The following UBE2D3 variants were observed in gnomAD, a reference collection of about 807,000 sequenced individuals.
The protein encoded by UBE2D3 is ubiquitin conjugating enzyme E2 D3, also known as ubiquitin-conjugating enzyme E2 D3.
In UBE2D3, 2 loss-of-function variants were observed where a neutral mutation model predicts 22.8. The observed-to-expected ratio is 0.09, with a 90% confidence interval of 0.04 to 0.28. UBE2D3 has a LOEUF of 0.28. Ranked by LOEUF, UBE2D3 falls within the 10% of genes least tolerant of loss-of-function variation. The probability of loss-of-function intolerance (pLI) is 1.00; values close to 1 mark genes in which losing one functional copy is unlikely to be tolerated. For missense variants in UBE2D3, 27 were observed against 182.5 expected, an observed-to-expected ratio of 0.15 and a Z score of 4.91; for synonymous variants, 56 against 60.4, an observed-to-expected ratio of 0.93 and a Z score of 0.34.
intron 1 of UBE2D3, chr4:102,836,992 A>G (rs916724716): frequency 1.3e-5 from 2 of 152,258 alleles, no homozygotes; most frequent in Non-Finnish European, 2.9e-5. Context: ...ACTTTGCGAG[A>G]TAGCAAAATT....
At chr4:102,839,244 G>T (rs1214777473) in intron 1 of UBE2D3, among the ~76,000 whole-genome samples, 1 of 151,840 alleles carries the variant, frequency 6.6e-6, no homozygotes, top group African/African-American at 2.4e-5. Context: ...GTAAAAGAAA[G>T]AAATATATCA....
chr4:102,824,297 A>C (rs776658611), intron 2 of UBE2D3, among the ~76,000 whole-genome samples: 3 of 152,228 alleles, frequency 2.0e-5, no homozygotes, highest in Non-Finnish European at 4.4e-5. Context: ...TTAAACAAAA[A>C]CGATTTTTAA....
chr4:102,858,983 T>C (rs1732755968), intron 1 of UBE2D3, among the ~76,000 whole-genome samples: 1 of 152,012 alleles, frequency 6.6e-6, no homozygotes, highest in Non-Finnish European at 1.5e-5. Flanking sequence ...TATACTTCCC[T>C]TTACCAGGGA....
intron 1 of UBE2D3, among the ~76,000 whole-genome samples, chr4:102,861,609 A>G (rs911105158): frequency 1.3e-5 from 2 of 151,986 alleles, no homozygotes; most frequent in Admixed American, 1.3e-4. Flanking sequence ...TTCTGAGGTA[A>G]TAAGAATCTG....
intron 1 of UBE2D3, among the ~76,000 whole-genome samples, chr4:102,837,442 A>G (rs549735296): frequency 1.3e-5 from 2 of 152,332 alleles, no homozygotes; most frequent in Admixed American, 6.5e-5. Context: ...GTGGCAGCCC[A>G]TATTGTGCAA....
chr4:102,847,705 A>G (rs1223016816), intron 1 of UBE2D3, among the ~76,000 whole-genome samples: 1 of 151,924 alleles, frequency 6.6e-6, no homozygotes, highest in African/African-American at 2.4e-5. Flanking sequence ...GTGCAGTGGC[A>G]TGATCATAGC....
At chr4:102,855,391 A>G (rs1416925546) in intron 1 of UBE2D3, among the ~76,000 whole-genome samples, 1 of 152,242 alleles carries the variant, frequency 6.6e-6, no homozygotes, top group East Asian at 1.9e-4. Flanking sequence ...GTAGAATAAT[A>G]GGATATACCA....
At chr4:102,804,261 C>A (rs1270475119) in intron 4 of UBE2D3, among the ~76,000 whole-genome samples, 2 of 152,126 alleles carry the variant, frequency 1.3e-5, no homozygotes, top group Non-Finnish European at 2.9e-5. Context: ...TCCCCAGGTT[C>A]AAGAGATTCT....
At chr4:102,831,057 G>C (rs912069724), upstream of UBE2D3, among the ~76,000 whole-genome samples, 1 of 152,266 alleles carries the variant, frequency 6.6e-6, no homozygotes. Context: ...TTGTATCTAT[G>C]TTTTCATGTA....
At chr4:102,837,609 G>T (rs1489667353) in intron 1 of UBE2D3, among the ~76,000 whole-genome samples, 1 of 150,570 alleles carries the variant, frequency 6.6e-6, no homozygotes, top group African/African-American at 2.4e-5. Flanking sequence ...GATCGCTTGG[G>T]CCCAGGAGTT....
chr4:102,868,768 C>T (rs1733310655), exon 1 of UBE2D3: 1 of 1,613,984 alleles, frequency 6.2e-7, no homozygotes. Context: ...TCTCATCGCA[C>T]ACAGTATCCT....
upstream of UBE2D3, chr4:102,828,223 C>T: frequency 2.0e-6 from 2 of 985,316 alleles, no homozygotes; most frequent in Non-Finnish European, 2.4e-6. Context: ...TCTCACGCGC[C>T]CAATCAGGAG....
At chr4:102,800,959 T>C (rs1273412485) in intron 6 of UBE2D3, among the ~76,000 whole-genome samples, 1 of 152,054 alleles carries the variant, frequency 6.6e-6, no homozygotes, top group African/African-American at 2.4e-5. Flanking sequence ...GAAGATTATA[T>C]AATTTTAGAC....
intron 2 of UBE2D3, 133 bp downstream of exon 2, chr4:102,826,352 C>G: frequency 8.7e-7 from 1 of 1,146,084 alleles, no homozygotes. Flanking sequence ...TATCTGCGTT[C>G]TCCATCCCCC....
At chr4:102,825,611 C>A in intron 2 of UBE2D3, 2 of 1,237,692 alleles carry the variant, frequency 1.6e-6, no homozygotes, top group Non-Finnish European at 2.1e-6. Context: ...ACTCCCAGAG[C>A]TCCGAAAAAT....
At chr4:102,807,715 A>AT (rs1560851225) in intron 4 of UBE2D3, among the ~76,000 whole-genome samples, 1 of 152,264 alleles carries the variant, frequency 6.6e-6, no homozygotes. Flanking sequence ...TTTTCTCAAA[A>AT]TAACAGCAAA....
rs920782022 is a variant in UBE2D3 at position 102,795,039 on chromosome 4, C to G, written c.*2376G>C. 2.6e-5 allele frequency: 4 copies of G among 152,024 alleles called. No homozygotes were observed. Among genetic ancestry groups the G allele is most frequent in the Non-Finnish European group, 5.9e-5 (4 of 67,940 alleles). The allele number at this position is 152,024 out of a possible 1,614,324, so 9.4% of individuals were successfully genotyped here. A position where few individuals can be genotyped will look rare whatever the true frequency, so the allele number is the denominator to read the frequency against. On this transcript the variant is annotated 3_prime_UTR_variant, in exon 8 of 8. Transcript: ENST00000453744. Reference sequence around the variant, plus strand: ...TCTTTTAAGATTTCATTGTACATATCTCATGTCCAGTGTCCATACATTCAA... The same window carrying G: ...TCTTTTAAGATTTCATTGTACATATGTCATGTCCAGTGTCCATACATTCAA...
chr4:102,810,981 A>ACT (rs1727887779), intron 2 of UBE2D3: 1 of 152,222 alleles, frequency 6.6e-6, no homozygotes, highest in Admixed American at 6.5e-5. Context: ...TCTAGGGACT[A>ACT]CTATATCTTC....
chr4:102,833,173 C>G (rs564495935), intron 1 of UBE2D3, among the ~76,000 whole-genome samples: 288 of 149,820 alleles, frequency 1.9e-3, no homozygotes, highest in African/African-American at 6.8e-3. Context: ...CAAATCTCCT[C>G]TTGAAACTCA....
Sources: gnomAD v4.1 joint callset for allele counts (sites outside exome capture counted in the v4.1 genomes callset) on GRCh38, gnomAD v4.1.1 for gene constraint, MANE v1.5 for transcripts, NCBI Gene and HGNC (gene_info 2026-07-23, HGNC 2026-07-21) for gene names.